Variants in EHHADH observed in about 807,000 individuals in gnomAD.
EHHADH encodes the protein enoyl-CoA hydratase and 3-hydroxyacyl CoA dehydrogenase, also known as peroxisomal bifunctional enzyme.
Under a neutral mutation model 64.4 loss-of-function variants are expected in EHHADH, and 48 were observed. That is an observed-to-expected ratio of 0.75 (90% CI 0.59 to 0.95). The LOEUF (loss-of-function observed/expected upper bound fraction) is 0.95. Among genes scored for constraint, EHHADH ranks in the 40% least tolerant of loss-of-function variants. The probability of loss-of-function intolerance (pLI) is 0.00; values close to 1 mark genes in which losing one functional copy is unlikely to be tolerated. For missense variants in EHHADH, 854 were observed against 876.6 expected, an observed-to-expected ratio of 0.97 and a Z score of 0.33; for synonymous variants, 308 against 326.7, an observed-to-expected ratio of 0.94 and a Z score of 0.62.
chr3:185,232,305 A>T (rs1247679197), intron 3 of EHHADH, among the ~76,000 whole-genome samples: 1 of 152,206 alleles, frequency 6.6e-6, no homozygotes, highest in African/African-American at 2.4e-5. Context: ...AGGTTGTGGT[A>T]AGAGGGACAC....
intron 2 of EHHADH, chr3:185,246,096 A>G: frequency 1.6e-6 from 2 of 1,284,906 alleles, no homozygotes. Context: ...GCATAATGTC[A>G]AGGTCATCCT....
intron 6 of EHHADH, among the ~76,000 whole-genome samples, chr3:185,203,068 G>A (rs931342212): frequency 3.7e-5 from 4 of 109,190 alleles, no homozygotes; most frequent in Admixed American, 9.8e-5. Context: ...CTTACAAATC[G>A]TAAAGATGGT....
intron 4 of EHHADH, among the ~76,000 whole-genome samples, chr3:185,225,379 C>T (rs1713485345): frequency 1.3e-5 from 2 of 152,060 alleles, no homozygotes; most frequent in South Asian, 4.2e-4. Flanking sequence ...CTCGTATCTG[C>T]TCTGTCACAA....
In EHHADH at chr3:185,254,023, G is replaced by A. The variant is rs762584827; in HGVS notation, c.-1C>T. On this transcript the variant is annotated 5_prime_UTR_variant, in exon 1 of 7. Coordinates refer to ENST00000231887, the MANE Select transcript of EHHADH (RefSeq NM_001966.4). Reference sequence around the variant, plus strand: ...TGTGCAGCCGCGTATACTCGGCCATGTTTCCTCTATCACCGAGGGCACCTC... The same window carrying A: ...TGTGCAGCCGCGTATACTCGGCCATATTTCCTCTATCACCGAGGGCACCTC... The A allele has an allele frequency of 1.2e-6, 2 of 1,613,610 alleles. No homozygotes were observed. Among genetic ancestry groups the A allele is most frequent in the African/African-American group, 1.3e-5 (1 of 74,904 alleles).
chr3:185,250,412 C>T (rs1719714164), intron 1 of EHHADH, among the ~76,000 whole-genome samples: 1 of 152,028 alleles, frequency 6.6e-6, no homozygotes, highest in African/African-American at 2.4e-5. Flanking sequence ...TCACAAAGAC[C>T]AAGAGAGAAA....
At chr3:185,239,736 C>G (rs1318581978) in intron 2 of EHHADH, among the ~76,000 whole-genome samples, 1 of 149,976 alleles carries the variant, frequency 6.7e-6, no homozygotes, top group Non-Finnish European at 1.5e-5. Flanking sequence ...CACAGGAAAT[C>G]TGACTTCCTC....
chr3:185,237,606 G>A (rs938800292), intron 2 of EHHADH, among the ~76,000 whole-genome samples: 16 of 152,080 alleles, frequency 1.1e-4, no homozygotes, highest in South Asian at 8.3e-4. Context: ...TCTACATCTC[G>A]ACATAATCAT....
At chr3:185,223,937 T>C (rs3774051) in intron 4 of EHHADH, among the ~76,000 whole-genome samples, 100,337 of 152,070 alleles carry the variant, frequency 0.66, 35,341 homozygotes, top group Non-Finnish European at 0.79. Context: ...TCCTTTGTGG[T>C]TACTGCTAAA....
chr3:185,220,238 C>T (rs1718796798), intron 4 of EHHADH, among the ~76,000 whole-genome samples: 1 of 152,202 alleles, frequency 6.6e-6, no homozygotes. Flanking sequence ...AGTACCACTA[C>T]TATTCTAACA....
intron 6 of EHHADH, among the ~76,000 whole-genome samples, chr3:185,199,263 T>C (rs1477963567): frequency 2.0e-5 from 3 of 152,358 alleles, no homozygotes; most frequent in African/African-American, 7.2e-5. Context: ...AATTATTTGA[T>C]GAAAAATGTT....
chr3:185,234,869 A>G (rs1336895907), intron 3 of EHHADH, among the ~76,000 whole-genome samples: 1 of 152,210 alleles, frequency 6.6e-6, no homozygotes, highest in Non-Finnish European at 1.5e-5. Context: ...GTCGTTAACC[A>G]GTAAGCTAAC....
At chr3:185,231,969 A>ATT (rs11303425) in intron 3 of EHHADH, among the ~76,000 whole-genome samples, 4 of 147,880 alleles carry the variant, frequency 2.7e-5, no homozygotes, top group Non-Finnish European at 4.5e-5. Flanking sequence ...CCAAAAGGCT[A>ATT]TTTTTTTTTT....
chr3:185,241,276 G>A (rs1380627345), intron 2 of EHHADH, among the ~76,000 whole-genome samples: 1 of 152,124 alleles, frequency 6.6e-6, no homozygotes, highest in African/African-American at 2.4e-5. Flanking sequence ...GTGTGTGCAA[G>A]TATCTTTTTC....
Position 185,218,209 on chromosome 3 carries a change from C to T in EHHADH, c.495G>A (p.Lys165=), listed in dbSNP as rs774034501. 20 of 1,605,722 alleles carry T rather than the reference C, an allele frequency of 1.2e-5. No individual in the cohort carries two copies. In the South Asian group the frequency reaches 1.7e-4, roughly 13 times the overall value. ...GRRILADEAL[K]LGILDKVVNS... is the part of the protein sequence containing the mutation. The stretch of plus-strand genomic sequence containing the variant: ...TTACAACTTTATCTAGAATGCCCAG[C>T]TTGAGTGCTTCATCTGCTAAAATAC... Residue 165 remains lysine (K), a synonymous_variant, in exon 5 of 7, where the codon AAG becomes AAA. Transcript: ENST00000231887.
intron 4 of EHHADH, among the ~76,000 whole-genome samples, chr3:185,227,943 A>G (rs1184168503): frequency 6.6e-6 from 1 of 151,962 alleles, no homozygotes; most frequent in Non-Finnish European, 1.5e-5. Flanking sequence ...TTTTCGCCAC[A>G]TCACCCTATA....
intron 1 of EHHADH, among the ~76,000 whole-genome samples, chr3:185,252,486 C>A (rs1298258775): frequency 6.6e-6 from 1 of 151,058 alleles, no homozygotes; most frequent in African/African-American, 2.4e-5. Flanking sequence ...GAGTATGGAA[C>A]TTTTCCCCCT....
At chr3:185,212,853 C>T (rs574316305) in intron 5 of EHHADH, among the ~76,000 whole-genome samples, 1 of 152,072 alleles carries the variant, frequency 6.6e-6, no homozygotes, top group Non-Finnish European at 1.5e-5. Context: ...GGTGCGGTAG[C>T]TCACGCCTGT....
At chr3:185,248,176 T>C (rs575499453) in intron 2 of EHHADH, 56 of 454,772 alleles carry the variant, frequency 1.2e-4, no homozygotes, top group Middle Eastern at 5.7e-4. Flanking sequence ...ATAACAGCCA[T>C]CAAGTCTGGA....
rs142883302 is a variant in EHHADH at position 185,195,510 on chromosome 3, C to A, written c.911-2023G>T. ...CCAGCAATTCCACTGATATCTAAAT[C>A]TCCAAGAGAACTGAAAATACATGTC... On this transcript the variant is annotated intron_variant, in intron 6 of 6. Coordinates refer to ENST00000231887, the MANE Select transcript of EHHADH (RefSeq NM_001966.4). Among the ~76,000 whole-genome samples the A allele has an allele frequency of 2.4e-3, 361 of 152,272 alleles. 2 individuals carry two copies. The highest frequency in any genetic ancestry group is 8.3e-3 in the African/African-American group (343 of 41,544).
Sources: gnomAD v4.1 joint callset for allele counts (sites outside exome capture counted in the v4.1 genomes callset) on GRCh38, gnomAD v4.1.1 for gene constraint, MANE v1.5 for transcripts, NCBI Gene and HGNC (gene_info 2026-07-23, HGNC 2026-07-21) for gene names.